UPK1B: variants seen among roughly 807,000 people sequenced by gnomAD.
The protein encoded by UPK1B is uroplakin-1b.
Under a neutral mutation model 34.2 loss-of-function variants are expected in UPK1B, and 28 were observed. The ratio of observed to expected loss-of-function variants is 0.82; its 90% CI spans 0.61 to 1.12. The LOEUF is 1.12. UPK1B is among the 50% of genes most tolerant of loss of function. The pLI, the probability that UPK1B is intolerant of heterozygous loss-of-function variation, is 0.00. For missense variants in UPK1B, 325 were observed against 320.9 expected, an observed-to-expected ratio of 1.01 and a Z score of -0.10; for synonymous variants, 81 against 110.4, an observed-to-expected ratio of 0.73 and a Z score of 1.67.
chr3:119,177,208 G>C (rs9289124), intron 1 of UPK1B, among the ~76,000 whole-genome samples: 99,487 of 151,990 alleles, frequency 0.65, 33,658 homozygotes, highest in East Asian at 0.84. Flanking sequence ...AGGATAGAAG[G>C]CTTTCTCCCT....
At position 119,190,966 on chromosome 3, in the gene UPK1B, C is replaced by A; in HGVS notation, c.346-16C>A. ...CGTGCTATCTCTCCCTCTTGTGTTGCCTCTTCCTACTATAGTTCACACCCA... is the reference window on the plus strand; with the variant it reads ...CGTGCTATCTCTCCCTCTTGTGTTGACTCTTCCTACTATAGTTCACACCCA... On this transcript the variant is annotated splice_polypyrimidine_tract_variant and intron_variant, in intron 4 of 7. Coordinates refer to ENST00000264234, the MANE Select transcript of UPK1B (RefSeq NM_006952.4). 2 of 1,612,756 alleles carry A rather than the reference C, an allele frequency of 1.2e-6. No homozygotes were observed. Among genetic ancestry groups the A allele is most frequent in the South Asian group, 1.1e-5 (1 of 90,872 alleles).
intron 1 of UPK1B, 85 bp from the exon 2 acceptor site, chr3:119,186,629 T>C: frequency 9.9e-7 from 1 of 1,011,944 alleles, no homozygotes; most frequent in Non-Finnish European, 1.5e-6. Flanking sequence ...GTTTGGATGC[T>C]TTGGGAACAA....
chr3:119,194,170 T>C, intron 5 of UPK1B, 49 bp from the exon 6 acceptor site: 1 of 1,589,674 alleles, frequency 6.3e-7, no homozygotes, highest in South Asian at 1.1e-5. Flanking sequence ...CATTGATGGC[T>C]CTAGTAGGGA....
Position 119,187,967 on chromosome 3 carries a change from C to A in UPK1B, c.262C>A (p.Leu88Ile), listed in dbSNP as rs147505927. ...VGIMKSSRKI[L>I]LAYFILMFIV... is the part of the protein sequence containing the mutation. The stretch of plus-strand genomic sequence containing the variant: ...CATCATGAAGTCCAGCAGGAAAATT[C>A]TTCTGGCGGTAAGACCTCAAAATTC... The change falls in exon 3 of 8, where the codon CTT becomes ATT. Residue 88 changes from leucine to isoleucine, a missense_variant. Leu to Ile is a conservative substitution (Grantham distance 5, BLOSUM62 2). Transcript: ENST00000264234. The A allele has an allele frequency of 1.4e-5, 22 of 1,614,072 alleles. No homozygotes were observed. The African/African-American group carries it at 2.7e-4, about 20-fold the overall frequency.
intron 1 of UPK1B, among the ~76,000 whole-genome samples, chr3:119,177,665 C>A (rs1475088689): frequency 6.6e-6 from 1 of 152,158 alleles, no homozygotes; most frequent in Non-Finnish European, 1.5e-5. Context: ...TGACACCCGT[C>A]AATTAATTTA....
chr3:119,179,394 TATATTA>T (rs1290099051), intron 1 of UPK1B, among the ~76,000 whole-genome samples: 1 of 91,048 alleles, frequency 1.1e-5, no homozygotes, highest in Non-Finnish European at 2.0e-5. Context: ...TATATATATA[TATATTA>T]ATTCTAAGGA....
At position 119,191,046 on chromosome 3, in the gene UPK1B, A is replaced by G. The variant is rs2078041862; in HGVS notation, c.410A>G (p.Asn137Ser). 2 of 1,613,974 alleles carry G rather than the reference A, an allele frequency of 1.2e-6. No homozygotes were observed. The highest frequency in any genetic ancestry group is 1.7e-6 in the Non-Finnish European group (2 of 1,179,898). Residue 137 changes from asparagine (N) to serine (S), a missense_variant, in exon 5 of 8, where the codon AAT becomes AGT. By Grantham distance (46) the Asn-to-Ser change is conservative. Transcript: ENST00000264234. Reference protein sequence around the residue: ...ERYQNNSPPNNDDQWKNNGVT... With the variant: ...ERYQNNSPPNSDDQWKNNGVT... ...TACCAAAACAACAGCCCTCCAAACA[A>G]TGATGACCAGTGGAAAAACAATGGA...
At chr3:119,203,340 CAAAAAAA>C (rs55752613) in intron 7 of UPK1B, among the ~76,000 whole-genome samples, 1,481 of 61,974 alleles carry the variant, frequency 0.024, 27 homozygotes, top group African/African-American at 0.089. Context: ...AACTCCGTCT[CAAAAAAA>C]AAAAAAAAAA....
chr3:119,175,545 G>GCCCC (rs2077953234), intron 1 of UPK1B, among the ~76,000 whole-genome samples: 1 of 18,678 alleles, frequency 5.4e-5, no homozygotes, highest in African/African-American at 1.8e-4. Flanking sequence ...CCTCCCCCCC[G>GCCCC]CCCCAAGGAC....
At chr3:119,175,879 A>G (rs1294596806) in intron 1 of UPK1B, 1 of 152,266 alleles carries the variant, frequency 6.6e-6, no homozygotes, top group East Asian at 1.9e-4. Context: ...ACTGCATGCA[A>G]CTACTAACTA....
intron 1 of UPK1B, among the ~76,000 whole-genome samples, chr3:119,179,602 C>G (rs1465383554): frequency 1.4e-5 from 2 of 140,464 alleles, no homozygotes; most frequent in African/African-American, 5.2e-5. Context: ...CTCGGCCTCC[C>G]GGGTTCACGC....
At chr3:119,181,490 G>C (rs1239913559) in intron 1 of UPK1B, among the ~76,000 whole-genome samples, 5 of 152,116 alleles carry the variant, frequency 3.3e-5, no homozygotes, top group African/African-American at 1.2e-4. Context: ...TTGAAGTTAA[G>C]TATTACTATA....
intron 1 of UPK1B, 51 bp downstream of exon 1, chr3:119,173,689 G>A (rs1349504926): frequency 6.6e-6 from 1 of 152,252 alleles, no homozygotes; most frequent in Non-Finnish European, 1.5e-5. Flanking sequence ...TCAAGGGCTG[G>A]GTTGCTCTCC....
intron 1 of UPK1B, among the ~76,000 whole-genome samples, chr3:119,183,058 G>C (rs1156406516): frequency 6.6e-6 from 1 of 152,144 alleles, no homozygotes; most frequent in Non-Finnish European, 1.5e-5. Context: ...TGCAAAGGTA[G>C]AGTCTCCTGA....
intron 6 of UPK1B, among the ~76,000 whole-genome samples, chr3:119,197,689 C>T (rs2078072732): frequency 6.6e-6 from 1 of 152,188 alleles, no homozygotes; most frequent in African/African-American, 2.4e-5. Flanking sequence ...AAAATCCCTG[C>T]CCTCATGGAG....
intron 1 of UPK1B, among the ~76,000 whole-genome samples, chr3:119,179,505 G>GTATTTTTTTTT (rs1293357139): frequency 2.2e-5 from 1 of 45,244 alleles, no homozygotes; most frequent in Non-Finnish European, 5.1e-5. Flanking sequence ...TGATGTTGCA[G>GTATTTTTTTTT]TCTTTTTTTT....
At chr3:119,184,333 C>T (rs1288769267) in intron 1 of UPK1B, among the ~76,000 whole-genome samples, 1 of 152,154 alleles carries the variant, frequency 6.6e-6, no homozygotes, top group Non-Finnish European at 1.5e-5. Context: ...CAATAAAGCC[C>T]CTCAGCGGTG....
chr3:119,184,266 A>G (rs911743191), intron 1 of UPK1B, among the ~76,000 whole-genome samples: 1 of 152,148 alleles, frequency 6.6e-6, no homozygotes. Flanking sequence ...CACGGGGCAT[A>G]ATTGGGTCAC....
In UPK1B at chr3:119,194,201, T is replaced by G. The variant is rs774826104; in HGVS notation, c.469-18T>G. ...AGGGACCACGAAAGAGAATTTTGTA[T>G]CTCTCATCTGCTGACAGGACAATTG... On this transcript the variant is annotated intron_variant, in intron 5 of 7. Coordinates refer to ENST00000264234, the MANE Select transcript of UPK1B (RefSeq NM_006952.4). The G allele has an allele frequency of 9.9e-6, 16 of 1,611,588 alleles. No individual in the cohort carries two copies. Among genetic ancestry groups the G allele is most frequent in the Non-Finnish European group, 1.3e-5 (15 of 1,178,884 alleles).
Sources: gnomAD v4.1 joint callset for allele counts (sites outside exome capture counted in the v4.1 genomes callset) on GRCh38, gnomAD v4.1.1 for gene constraint, MANE v1.5 for transcripts, NCBI Gene and HGNC (gene_info 2026-07-23, HGNC 2026-07-21) for gene names.